Variants in CHN2 observed in about 807,000 individuals in gnomAD.
The protein encoded by CHN2 is beta-chimaerin.
Under a neutral mutation model 56.3 loss-of-function variants are expected in CHN2, and 35 were observed. The ratio of observed to expected loss-of-function variants is 0.62; its 90% CI spans 0.47 to 0.82. CHN2 has a LOEUF of 0.82. CHN2 is among the 40% of genes least tolerant of loss of function. The pLI is 0.00. For missense variants in CHN2, 491 were observed against 580.5 expected (o/e 0.85, Z 1.58); for synonymous variants, 210 against 212.8 (o/e 0.99, Z 0.12).
At chr7:29,329,063 T>C (rs950477051) in intron 1 of CHN2, among the ~76,000 whole-genome samples, 1 of 152,148 alleles carries the variant, frequency 6.6e-6, no homozygotes, top group African/African-American at 2.4e-5. Context: ...GTTTCACAAC[T>C]GTCTGGGGTT....
At position 29,180,225 on chromosome 7, in the gene CHN2, G is replaced by A. The variant is rs181534134; in HGVS notation, c.274+33265G>A. ...TAGAATATTTTTAAAATGTGATAAC[G>A]TACCAATAGTGACATCTAGGCCGGG... is the stretch of plus-strand genomic sequence containing the variant. On this transcript the variant is annotated intron_variant, in intron 2 of 6. Coordinates refer to the CHN2 transcript ENST00000439384. Among the ~76,000 whole-genome samples the A allele has an allele frequency of 1.9e-4, 29 of 152,126 alleles. No homozygotes were observed. In the East Asian group the frequency reaches 4.4e-3, roughly 23 times the overall value.
chr7:29,439,659 A>T (rs1783487459), intron 6 of CHN2, among the ~76,000 whole-genome samples: 1 of 152,190 alleles, frequency 6.6e-6, no homozygotes, highest in African/African-American at 2.4e-5. Context: ...TCTGCTCAGT[A>T]GATGAGTGAG....
At chr7:29,146,731 C>T (rs1562793169) in exon 1 of CHN2, 38 of 1,550,482 alleles carry the variant, frequency 2.5e-5, no homozygotes, top group Non-Finnish European at 3.3e-5. Flanking sequence ...AGAGCATCGG[C>T]GGGGTGCCAT....
In CHN2 at chr7:29,451,429, G is replaced by A. The variant is rs556654402; in HGVS notation, c.577-28850G>A. 1.9e-4 allele frequency among the ~76,000 whole-genome samples: 29 copies of A among 152,206 alleles called. 1 individual carries two copies. The South Asian group carries it at 5.8e-3, about 31-fold the overall frequency. On this transcript the variant is annotated intron_variant, in intron 6 of 12. Transcript: ENST00000222792. ...TTGTTACCAGTCCATGGCGAAATGG[G>A]TACAGAAGTACAGAGGTCTTCAGAA...
chr7:29,426,741 C>T (rs189425002), intron 6 of CHN2, among the ~76,000 whole-genome samples: 66 of 152,318 alleles, frequency 4.3e-4, no homozygotes, highest in African/African-American at 1.5e-3. Flanking sequence ...AGGCATGGAC[C>T]AGGCGGACTC....
chr7:29,363,344 G>A (rs527390264), intron 2 of CHN2, among the ~76,000 whole-genome samples: 1 of 152,284 alleles, frequency 6.6e-6, no homozygotes, highest in South Asian at 2.1e-4. Flanking sequence ...AATTAGCCAG[G>A]CATGGTGATG....
chr7:29,312,620 G>A (rs1794680597), intron 1 of CHN2, among the ~76,000 whole-genome samples: 1 of 152,138 alleles, frequency 6.6e-6, no homozygotes, highest in Non-Finnish European at 1.5e-5. Flanking sequence ...AAATAATAAT[G>A]AGCGTGCAGA....
At chr7:29,277,111 G>T (rs1200145454) in intron 1 of CHN2, among the ~76,000 whole-genome samples, 2 of 152,152 alleles carry the variant, frequency 1.3e-5, no homozygotes, top group Non-Finnish European at 2.9e-5. Context: ...CAGGAGAGAG[G>T]TCACTCACTT....
chr7:29,341,584 AAG>A (rs1314251510), intron 1 of CHN2, among the ~76,000 whole-genome samples: 1 of 149,656 alleles, frequency 6.7e-6, no homozygotes, highest in East Asian at 2.1e-4. Flanking sequence ...GAGGGACAGA[AAG>A]AGGGAGGGAG....
At chr7:29,238,110 C>T (rs142831261) in intron 1 of CHN2, among the ~76,000 whole-genome samples, 116 of 151,272 alleles carry the variant, frequency 7.7e-4, no homozygotes, top group Admixed American at 1.7e-3. Flanking sequence ...CTCCACCTCC[C>T]GGGTTCAAGC....
In CHN2 at chr7:29,480,020, G is replaced by A. The variant is rs1413147245; in HGVS notation, c.577-259G>A. The A allele has an allele frequency of 2.0e-5, 30 of 1,512,986 alleles. No homozygotes were observed. The Admixed American group carries it at 2.7e-4, about 14-fold the overall frequency. The allele number at this position is 1,512,986 out of a possible 1,614,324, so 93.7% of individuals were successfully genotyped here. On this transcript the variant is annotated intron_variant, in intron 6 of 12. Transcript: ENST00000222792. ...AGGACCCAGCTGCCTCAAATCTGCC[G>A]CCTAACATAAGCTGCGGTTCGAAAA...
intron 4 of CHN2, among the ~76,000 whole-genome samples, chr7:29,396,277 A>G (rs1801734334): frequency 6.6e-6 from 1 of 151,184 alleles, no homozygotes; most frequent in African/African-American, 2.4e-5. Context: ...ACCCGCCCCC[A>G]CTCCCCGCAT....
chr7:29,509,306 T>G lies in CHN2; in HGVS notation c.1135T>G (p.Ser379Ala), dbSNP rs762287674. ...YSKFIDAAKI[S>A]NADERLEAVH... ...ATCATGCGTGAACTTCACAGAAATCTCCAATGCAGATGAGAGGCTGGAAGC... is the reference window on the plus strand; with the variant it reads ...ATCATGCGTGAACTTCACAGAAATCGCCAATGCAGATGAGAGGCTGGAAGC... Residue 379 changes from serine (S) to alanine (A), a missense_variant, in exon 12 of 13, where the codon TCC becomes GCC. Ser to Ala is a moderately conservative substitution (Grantham distance 99, BLOSUM62 1). Coordinates refer to ENST00000222792, the MANE Select transcript of CHN2 (RefSeq NM_004067.4). 7 of 1,613,178 alleles carry G rather than the reference T, an allele frequency of 4.3e-6. No individual in the cohort carries two copies. In the South Asian group the frequency reaches 7.7e-5, roughly 18 times the overall value.
intron 6 of CHN2, among the ~76,000 whole-genome samples, chr7:29,442,955 A>G (rs1267489852): frequency 1.9e-5 from 1 of 52,750 alleles, no homozygotes. Flanking sequence ...TTTTTTTGAG[A>G]CGGAGTCTCG....
chr7:29,350,260 C>A (rs1005703719), intron 1 of CHN2, among the ~76,000 whole-genome samples: 2 of 151,856 alleles, frequency 1.3e-5, no homozygotes, highest in Non-Finnish European at 2.9e-5. Flanking sequence ...TGCCAAATGA[C>A]AAAGTGAACT....
At chr7:29,150,445 A>C (rs963567051) in intron 2 of CHN2, among the ~76,000 whole-genome samples, 6 of 152,206 alleles carry the variant, frequency 3.9e-5, no homozygotes, top group African/African-American at 1.4e-4. Context: ...CTGTCTATCC[A>C]AGACAACTAA....
At chr7:29,501,895 G>A (rs1410537779) in intron 9 of CHN2, among the ~76,000 whole-genome samples, 1 of 152,174 alleles carries the variant, frequency 6.6e-6, no homozygotes, top group Non-Finnish European at 1.5e-5. Flanking sequence ...TATCAGCCCT[G>A]TCTCTTACTG....
chr7:29,434,746 G>A lies in CHN2; in HGVS notation c.576+33918G>A, dbSNP rs1783100664. 2.0e-5 allele frequency among the ~76,000 whole-genome samples: 3 copies of A among 152,166 alleles called. No individual in the cohort carries two copies. The South Asian group carries it at 6.2e-4, about 32-fold the overall frequency. ...TATCTTTTGGAGAAGGTCACCACAG[G>A]TCTAAAGACATAGTTCTTTCCTTCA... On this transcript the variant is annotated intron_variant, in intron 6 of 12. Coordinates refer to ENST00000222792, the MANE Select transcript of CHN2 (RefSeq NM_004067.4).
chr7:29,425,498 A>G (rs1396108667), intron 6 of CHN2, among the ~76,000 whole-genome samples: 1 of 152,178 alleles, frequency 6.6e-6, no homozygotes, highest in African/African-American at 2.4e-5. Flanking sequence ...TACAGTCCAT[A>G]AAAGAGACTT....
Sources: gnomAD v4.1 joint callset for allele counts (sites outside exome capture counted in the v4.1 genomes callset) on GRCh38, gnomAD v4.1.1 for gene constraint, MANE v1.5 for transcripts, NCBI Gene and HGNC (gene_info 2026-07-23, HGNC 2026-07-21) for gene names.